Variants in ABI2 observed in about 807,000 individuals in gnomAD.
ABI2 encodes the protein abl interactor 2, also known as abelson interactor 2.
ABI2 carries 25 observed loss-of-function variants against 59.2 expected under a neutral mutation model. That is an observed-to-expected ratio of 0.42 (90% CI 0.31 to 0.59). The LOEUF (loss-of-function observed/expected upper bound fraction) is 0.59, where lower values mean the gene tolerates loss of function less well. Ranked by LOEUF, ABI2 falls within the 20% of genes least tolerant of loss-of-function variation. ABI2 has a pLI of 0.14. For missense variants in ABI2, 545 were observed against 681.8 expected, an observed-to-expected ratio of 0.80 and a Z score of 2.23; for synonymous variants, 213 against 235.5, an observed-to-expected ratio of 0.90 and a Z score of 0.87.
At chr2:203,329,917 A>G (rs994015492) in intron 1 of ABI2, among the ~76,000 whole-genome samples, 3 of 151,994 alleles carry the variant, frequency 2.0e-5, no homozygotes, top group African/African-American at 4.8e-5. Context: ...TTGTATTTTT[A>G]GTAAAGATGG....
intron 1 of ABI2, among the ~76,000 whole-genome samples, chr2:203,334,962 G>A (rs552961299): frequency 6.6e-6 from 1 of 152,174 alleles, no homozygotes; most frequent in Non-Finnish European, 1.5e-5. Context: ...GCCTGGCCTA[G>A]TTGTAGACTT....
intron 1 of ABI2, chr2:203,355,110 C>A: frequency 3.0e-6 from 1 of 332,878 alleles, no homozygotes; most frequent in Non-Finnish European, 6.6e-6. Context: ...CCCTTTTCCT[C>A]TTTGATGTAG....
chr2:203,328,665 A>ACC lies in ABI2; in HGVS notation c.117+40_117+41dup, dbSNP rs529794533. Reference sequence around the variant, plus strand: ...CATCCCCAGCTGGGCCGCGTCGGGGACCCCCCCGCCGGGGGCCGCGCGCCT... The same window carrying ACC: ...CATCCCCAGCTGGGCCGCGTCGGGGACCCCCCCCCGCCGGGGGCCGCGCGCCT... On this transcript the variant is annotated intron_variant, in intron 1 of 11. Coordinates refer to ENST00000261018, the MANE Select transcript of ABI2 (RefSeq NM_001375670.1). The ACC allele has an allele frequency of 8.6e-5, 121 of 1,414,716 alleles. No homozygotes were observed. The African/African-American group carries it at 1.1e-3, about 13-fold the overall frequency. The allele number at this position is 1,414,716 out of a possible 1,614,324, so 87.6% of individuals were successfully genotyped here.
At chr2:203,404,304 A>G (rs1050884912) in intron 9 of ABI2, among the ~76,000 whole-genome samples, 2 of 152,118 alleles carry the variant, frequency 1.3e-5, no homozygotes, top group African/African-American at 4.8e-5. Context: ...CCCTCTCGTA[A>G]ATTAAGTGCT....
At chr2:203,417,614 G>GA (rs34889407) in intron 11 of ABI2, among the ~76,000 whole-genome samples, 2 of 152,120 alleles carry the variant, frequency 1.3e-5, no homozygotes, top group Non-Finnish European at 2.9e-5. Flanking sequence ...AATCAGCTCA[G>GA]AAAAAAATGT....
chr2:203,383,722 C>G (rs1176205905), intron 4 of ABI2, among the ~76,000 whole-genome samples: 1 of 152,108 alleles, frequency 6.6e-6, no homozygotes, highest in South Asian at 2.1e-4. Flanking sequence ...TTTTGGAGAC[C>G]TGTGGATTCT....
intron 2 of ABI2, among the ~76,000 whole-genome samples, chr2:203,373,309 G>A (rs939275343): frequency 2.0e-5 from 3 of 152,246 alleles, no homozygotes; most frequent in African/African-American, 7.2e-5. Flanking sequence ...AAAAAAGTAC[G>A]AAAACCAGTC....
intron 9 of ABI2, among the ~76,000 whole-genome samples, chr2:203,408,508 C>G (rs2097527221): frequency 6.6e-6 from 1 of 151,406 alleles, no homozygotes; most frequent in Non-Finnish European, 1.5e-5. Flanking sequence ...TTTTCACTTT[C>G]AGAAGTAGAA....
chr2:203,365,584 TTCTC>T (rs2094301609), intron 1 of ABI2, among the ~76,000 whole-genome samples: 1 of 151,796 alleles, frequency 6.6e-6, no homozygotes, highest in Non-Finnish European at 1.5e-5. Flanking sequence ...GGAAAAATAT[TTCTC>T]TCTCTCAGGC....
intron 8 of ABI2, among the ~76,000 whole-genome samples, chr2:203,399,514 C>T (rs909911547): frequency 4.0e-5 from 6 of 148,368 alleles, no homozygotes; most frequent in South Asian, 2.1e-4. Context: ...ATTTTTTTGG[C>T]GGGGGGAGGA....
intron 1 of ABI2, among the ~76,000 whole-genome samples, chr2:203,340,122 A>C (rs1012566097): frequency 1.3e-5 from 2 of 152,254 alleles, no homozygotes; most frequent in Non-Finnish European, 2.9e-5. Flanking sequence ...AGCCAGGCAC[A>C]GAAAGACAAA....
chr2:203,369,697 C>T (rs1001616455), intron 2 of ABI2, among the ~76,000 whole-genome samples: 15 of 152,176 alleles, frequency 9.9e-5, no homozygotes, highest in Non-Finnish European at 1.9e-4. Flanking sequence ...AGGAATACGT[C>T]GAACCTTCTT....
At chr2:203,425,156 G>A (rs1436958973) in intron 11 of ABI2, among the ~76,000 whole-genome samples, 1 of 151,014 alleles carries the variant, frequency 6.6e-6, no homozygotes. Context: ...CCACTTCTAA[G>A]CATCTCTGTT....
chr2:203,421,964 CA>C (rs35435663), intron 11 of ABI2, among the ~76,000 whole-genome samples: 49,324 of 102,536 alleles, frequency 0.48, 10,354 homozygotes, highest in Middle Eastern at 0.66. Flanking sequence ...GACTCTGTCT[CA>C]AAAAAAAAAA....
chr2:203,370,186 T>TTCTCTCTCTCTCTCTCTC (rs71007509), intron 2 of ABI2, among the ~76,000 whole-genome samples: 62 of 136,724 alleles, frequency 4.5e-4, no homozygotes, highest in Admixed American at 2.7e-3. Flanking sequence ...CATTCTCCTA[T>TTCTCTCTCTCTCTCTCTC]TCTCTCTCTC....
intron 11 of ABI2, among the ~76,000 whole-genome samples, chr2:203,417,931 A>T (rs1296465481): frequency 6.6e-6 from 1 of 152,212 alleles, no homozygotes; most frequent in African/African-American, 2.4e-5. Flanking sequence ...GGAGAACATG[A>T]ACATGAGAGA....
Position 203,380,277 on chromosome 2 carries a change from T to G in ABI2, c.355T>G (p.Ser119Ala). The change falls in exon 3 of 12, where the codon TCA becomes GCA. Residue 119 changes from serine (S) to alanine (A), a missense_variant. Coordinates refer to ENST00000261018, the MANE Select transcript of ABI2 (RefSeq NM_001375670.1). ...TATTTTGACTACCAATAAAAACACT[T>G]CAAGGACACATAAGATTATTGCTCC... ...IGILTTNKNTSRTHKIIAPAN... is the reference protein window; with the variant it reads ...IGILTTNKNTARTHKIIAPAN... 1.2e-6 allele frequency: 2 copies of G among 1,608,250 alleles called. No homozygotes were observed. Among genetic ancestry groups the G allele is most frequent in the Non-Finnish European group, 1.7e-6 (2 of 1,177,796 alleles).
intron 8 of ABI2, 103 bp from the exon 9 acceptor site, chr2:203,402,473 C>A: frequency 1.2e-6 from 1 of 844,498 alleles, no homozygotes; most frequent in Non-Finnish European, 1.6e-6. Flanking sequence ...GTTAAACTAG[C>A]TGTTATTTTT....
intron 1 of ABI2, among the ~76,000 whole-genome samples, chr2:203,344,899 G>GT (rs1211245727): frequency 2.0e-5 from 3 of 152,190 alleles, no homozygotes; most frequent in Non-Finnish European, 4.4e-5. Flanking sequence ...TAAGCACTCT[G>GT]TAAAAACGAA....
Sources: gnomAD v4.1 joint callset for allele counts (sites outside exome capture counted in the v4.1 genomes callset) on GRCh38, gnomAD v4.1.1 for gene constraint, MANE v1.5 for transcripts, NCBI Gene and HGNC (gene_info 2026-07-23, HGNC 2026-07-21) for gene names.